Variants in PRXL2C observed in about 807,000 individuals in gnomAD.
PRXL2C encodes the protein peroxiredoxin like 2C, also known as peroxiredoxin-like 2C.
Under a neutral mutation model 24.9 loss-of-function variants are expected in PRXL2C, and 38 were observed. The observed-to-expected ratio is 1.53, with a 90% CI of 1.18 to 2.00. The LOEUF (loss-of-function observed/expected upper bound fraction) is 2.00. PRXL2C is among the 30% of genes most tolerant of loss of function. PRXL2C has a pLI of 0.00. For synonymous variants in PRXL2C, 98 were observed against 117.2 expected, an observed-to-expected ratio of 0.84 and a Z score of 1.06; for missense variants, 294 against 290.9, an observed-to-expected ratio of 1.01 and a Z score of -0.08.
Position 96,641,516 on chromosome 9 carries a change from T to C in PRXL2C, c.*243A>G. On this transcript the variant is annotated 3_prime_UTR_variant, in exon 6 of 6. Transcript: ENST00000375234. The stretch of plus-strand genomic sequence containing the variant: ...TGATTTTATAGCTTTTAAAGTTATA[T>C]TTTGTATATTCATTTTTTTTGTATA... The C allele has an allele frequency of 3.3e-6, 1 of 303,806 alleles. No individual in the cohort carries two copies. The highest frequency in any genetic ancestry group is 6.0e-6 in the Non-Finnish European group (1 of 167,238). 18.8% of individuals were successfully genotyped at this position (303,806 alleles called of 1,614,324 possible).
chr9:96,641,787 G>A lies in PRXL2C; in HGVS notation c.653C>T (p.Thr218Ile), dbSNP rs144270600. The change falls in exon 6 of 6, where the codon ACA (threonine) becomes ATA (isoleucine). Residue 218 changes from threonine (T) to isoleucine (I), a missense_variant. Physicochemically the swap from Thr to Ile is moderately conservative, Grantham distance 89. Coordinates refer to ENST00000375234, the MANE Select transcript of PRXL2C (RefSeq NM_153698.2). ...CACATGGATAACTGAAGGTCTGTTT[G>A]TAAAGTTCACATGCTGAACTCCTAC... ...QLVGVQHVNF[T>I]NRPSVIHV 3.5e-5 allele frequency: 56 copies of A among 1,578,430 alleles called. No homozygotes were observed. The South Asian group carries it at 5.7e-4, about 16-fold the overall frequency.
intron 1 of PRXL2C, 89 bp from the exon 2 acceptor site, chr9:96,654,862 A>AGCAAAGGCGACGCCC (rs1848329424): frequency 7.3e-6 from 10 of 1,370,654 alleles, no homozygotes; most frequent in Non-Finnish European, 9.8e-6. Flanking sequence ...GCGTGACGCG[A>AGCAAAGGCGACGCCC]GCAAAGGCGA....
chr9:96,646,787 T>C (rs1451094209), intron 4 of PRXL2C, among the ~76,000 whole-genome samples: 1 of 152,146 alleles, frequency 6.6e-6, no homozygotes, highest in African/African-American at 2.4e-5. Context: ...AAAACCGTTC[T>C]TGAAAAAAAA....
rs914115432 is a variant in PRXL2C at position 96,655,306 on chromosome 9, G to GT, written c.-26dup. 29 of 1,039,950 alleles carry GT rather than the reference G, an allele frequency of 2.8e-5. 1 individual carries two copies. The highest frequency in any genetic ancestry group is 5.6e-5 in the Admixed American group (1 of 18,010). 64.4% of individuals were successfully genotyped at this position (1,039,950 alleles called of 1,614,324 possible). On this transcript the variant is annotated 5_prime_UTR_variant, in exon 1 of 6. Coordinates refer to ENST00000375234, the MANE Select transcript of PRXL2C (RefSeq NM_153698.2). ...TGACGCGGGGCGGCCGAGGGCCTGG[G>GT]TCCGCTCTGTCAGCGCGGACCGGGG...
Position 96,641,377 on chromosome 9 carries a change from T to A in PRXL2C, c.*382A>T, listed in dbSNP as rs188625567. The A allele has an allele frequency of 4.4e-4, 69 of 155,482 alleles. No individual in the cohort carries two copies. The highest frequency in any genetic ancestry group is 7.7e-4 in the Non-Finnish European group (54 of 70,316). The allele number at this position is 155,482 out of a possible 1,614,324, so 9.6% of individuals were successfully genotyped here. Reference sequence around the variant, plus strand: ...TTGATATTTTGCCTTCTTCACTGAATATAATGGTCTTGTGTTGTTCTCCTG... The same window carrying A: ...TTGATATTTTGCCTTCTTCACTGAAAATAATGGTCTTGTGTTGTTCTCCTG... On this transcript the variant is annotated 3_prime_UTR_variant, in exon 6 of 6. Coordinates refer to ENST00000375234, the MANE Select transcript of PRXL2C (RefSeq NM_153698.2).
rs779820700 is a variant in PRXL2C, at chr9:96,651,472, A to G, written c.339T>C (p.Tyr113=). ...CAGGATCGACATAGATTTCATGAGAATATCCAGTCAGCTTGCAAAAAGGCT... is the reference window on the plus strand; with the variant it reads ...CAGGATCGACATAGATTTCATGAGAGTATCCAGTCAGCTTGCAAAAAGGCT... ...HIEPFCKLTG[Y]SHEIYVDPER... Residue 113 remains tyrosine, a synonymous_variant, in exon 4 of 6, where the codon TAT becomes TAC. Coordinates refer to ENST00000375234, the MANE Select transcript of PRXL2C (RefSeq NM_153698.2). 1.9e-6 allele frequency: 3 copies of G among 1,611,708 alleles called. No individual in the cohort carries two copies. The highest frequency in any genetic ancestry group is 1.3e-5 in the African/African-American group (1 of 74,984).
intron 2 of PRXL2C, among the ~76,000 whole-genome samples, chr9:96,652,831 T>C (rs1848287528): frequency 6.6e-6 from 1 of 152,196 alleles, no homozygotes; most frequent in Admixed American, 6.5e-5. Flanking sequence ...ATGAAATCAG[T>C]ATGTTGAAGA....
chr9:96,651,643 T>C lies in PRXL2C; in HGVS notation c.315+16A>G, dbSNP rs377480410. 25 of 1,598,618 alleles carry C rather than the reference T, an allele frequency of 1.6e-5. No homozygotes were observed. Among genetic ancestry groups the C allele is most frequent in the Non-Finnish European group, 2.1e-5 (24 of 1,168,710 alleles). On this transcript the variant is annotated intron_variant, in intron 3 of 5. Transcript: ENST00000375234. Reference sequence around the variant, plus strand: ...CAGATTTTATTCATTAGTCTCCCAATGTACTAGATATTTACCTCAATATGA... The same window carrying C: ...CAGATTTTATTCATTAGTCTCCCAACGTACTAGATATTTACCTCAATATGA...
At chr9:96,647,085 C>T (rs1166081057) in intron 4 of PRXL2C, among the ~76,000 whole-genome samples, 1 of 152,104 alleles carries the variant, frequency 6.6e-6, no homozygotes, top group African/African-American at 2.4e-5. Flanking sequence ...CCACCGCAGC[C>T]GGTCCCGTTC....
rs1848334703 is a variant in PRXL2C, at chr9:96,655,077, G to A, written c.192+13C>T. 5.5e-6 allele frequency: 8 copies of A among 1,456,626 alleles called. No individual in the cohort carries two copies. The highest frequency in any genetic ancestry group is 6.3e-6 in the Non-Finnish European group (7 of 1,110,720). The allele number at this position is 1,456,626 out of a possible 1,614,324, so 90.2% of individuals were successfully genotyped here. ...TGGGCCGCGCTTCCCTTCCAGCCCCGCCGCCCGCTCACCCGCACGAACACC... is the reference window on the plus strand; with the variant it reads ...TGGGCCGCGCTTCCCTTCCAGCCCCACCGCCCGCTCACCCGCACGAACACC... On this transcript the variant is annotated intron_variant, in intron 1 of 5. Transcript: ENST00000375234.
rs527586525 is a variant in PRXL2C at position 96,655,079 on chromosome 9, C to A, written c.192+11G>T. ...GGCCGCGCTTCCCTTCCAGCCCCGC[C>A]GCCCGCTCACCCGCACGAACACCAC... On this transcript the variant is annotated intron_variant, in intron 1 of 5. Coordinates refer to ENST00000375234, the MANE Select transcript of PRXL2C (RefSeq NM_153698.2). 3 of 1,456,866 alleles carry A rather than the reference C, an allele frequency of 2.1e-6. No individual in the cohort carries two copies. In the East Asian group the frequency reaches 9.3e-5, roughly 45 times the overall value. 90.2% of individuals were successfully genotyped at this position (1,456,866 alleles called of 1,614,324 possible). A position where few individuals can be genotyped will look rare whatever the true frequency, so the allele number is the denominator to read the frequency against.
chr9:96,649,659 T>C (rs1048673765), intron 4 of PRXL2C, among the ~76,000 whole-genome samples: 1 of 151,772 alleles, frequency 6.6e-6, no homozygotes. Context: ...CTCCTCTCTA[T>C]CCCCTCTTCA....
chr9:96,653,094 C>T (rs1476014238), intron 2 of PRXL2C, among the ~76,000 whole-genome samples: 10 of 152,058 alleles, frequency 6.6e-5, no homozygotes, highest in South Asian at 2.1e-4. Context: ...GGCGTGGTGG[C>T]GGGCGCCTGT....
At position 96,645,899 on chromosome 9, in the gene PRXL2C, C is replaced by G. The variant is rs201830794; in HGVS notation, c.547G>C (p.Gly183Arg). 8.7e-6 allele frequency: 14 copies of G among 1,610,134 alleles called. No homozygotes were observed. Among genetic ancestry groups the G allele is most frequent in the Middle Eastern group, 1.8e-4 (1 of 5,462 alleles). The change falls in exon 5 of 6, where the codon GGT becomes CGT. Residue 183 changes from glycine (G) to arginine (R), a missense_variant. Coordinates refer to ENST00000375234, the MANE Select transcript of PRXL2C (RefSeq NM_153698.2). ...PAQQGGTLIL[G>R]PGNNIHFIHR... ...CCTGGGCTTTGATGCTTACCTGGAC[C>G]TAAAATGAGGGTTCCACCTTGCTGA...
chr9:96,645,022 T>G (rs1487278287), intron 5 of PRXL2C, among the ~76,000 whole-genome samples: 1 of 147,590 alleles, frequency 6.8e-6, no homozygotes, highest in Non-Finnish European at 1.5e-5. Flanking sequence ...GTCTCCTGCC[T>G]CAGCCTCCCG....
In PRXL2C at chr9:96,640,491, T is replaced by G. The variant is rs1389578625; in HGVS notation, c.*1268A>C. On this transcript the variant is annotated 3_prime_UTR_variant, in exon 6 of 6. Coordinates refer to ENST00000375234, the MANE Select transcript of PRXL2C (RefSeq NM_153698.2). ...GAGATTGAGCCATTGCACTCCAGCCTGGGCGACAGAGCAAGACTCCATCTC... is the reference window on the plus strand; with the variant it reads ...GAGATTGAGCCATTGCACTCCAGCCGGGGCGACAGAGCAAGACTCCATCTC... 2 of 111,198 alleles carry G rather than the reference T, an allele frequency of 1.8e-5. No homozygotes were observed. Among genetic ancestry groups the G allele is most frequent in the Non-Finnish European group, 3.3e-5 (2 of 60,732 alleles). 6.9% of individuals were successfully genotyped at this position (111,198 alleles called of 1,614,324 possible). A position where few individuals can be genotyped will look rare whatever the true frequency, so the allele number is the denominator to read the frequency against.
chr9:96,653,606 A>C (rs1848305776), intron 2 of PRXL2C, among the ~76,000 whole-genome samples: 1 of 152,238 alleles, frequency 6.6e-6, no homozygotes, highest in African/African-American at 2.4e-5. Context: ...AAAAACTAAA[A>C]TCACTATCTG....
At chr9:96,647,328 C>A (rs1848211071) in intron 4 of PRXL2C, among the ~76,000 whole-genome samples, 1 of 152,112 alleles carries the variant, frequency 6.6e-6, no homozygotes, top group African/African-American at 2.4e-5. Context: ...CCATGTATGT[C>A]TTACTTTTAA....
chr9:96,642,982 C>T (rs1271188066), intron 5 of PRXL2C, among the ~76,000 whole-genome samples: 4 of 151,646 alleles, frequency 2.6e-5, no homozygotes, highest in Admixed American at 2.0e-4. Flanking sequence ...TTTTTTTTTC[C>T]TGGTCATTAT....
Sources: gnomAD v4.1 joint callset for allele counts (sites outside exome capture counted in the v4.1 genomes callset) on GRCh38, gnomAD v4.1.1 for gene constraint, MANE v1.5 for transcripts, NCBI Gene and HGNC (gene_info 2026-07-23, HGNC 2026-07-21) for gene names.